The following IGF1R variants were observed in gnomAD, a reference collection of about 807,000 sequenced individuals.
IGF1R encodes the protein insulin-like growth factor 1 receptor.
A neutral mutation model predicts 144.6 loss-of-function variants in IGF1R; 44 were observed. That is an observed-to-expected ratio of 0.30 (90% confidence interval 0.24 to 0.39). The LOEUF is 0.39. Ranked by LOEUF, IGF1R falls within the 10% of genes least tolerant of loss-of-function variation. The pLI is 1.00. For missense variants in IGF1R, 1,355 were observed against 1,833.7 expected, an observed-to-expected ratio of 0.74 and a Z score of 4.77; for synonymous variants, 795 against 722.8, an observed-to-expected ratio of 1.10 and a Z score of -1.60.
chr15:98,948,458 G>A, intron 19 of IGF1R, 116 bp from the exon 20 acceptor site: 2 of 1,119,698 alleles, frequency 1.8e-6, no homozygotes, highest in Non-Finnish European at 1.4e-6. Context: ...GACAAGCACT[G>A]TCACCATAGT....
intron 20 of IGF1R, chr15:98,953,162 G>C (rs1022408644): frequency 6.6e-6 from 1 of 152,174 alleles, no homozygotes; most frequent in Non-Finnish European, 1.5e-5. Flanking sequence ...GGCACCATCT[G>C]GTGACACTAG....
At chr15:98,744,217 A>T (rs1035205093) in intron 2 of IGF1R, among the ~76,000 whole-genome samples, 5 of 152,006 alleles carry the variant, frequency 3.3e-5, no homozygotes, top group African/African-American at 4.8e-5. Flanking sequence ...CATGAGCTGT[A>T]AAGGGACCCA....
At chr15:98,858,600 G>A (rs2011964738) in intron 2 of IGF1R, among the ~76,000 whole-genome samples, 1 of 152,050 alleles carries the variant, frequency 6.6e-6, no homozygotes, top group South Asian at 2.1e-4. Flanking sequence ...CCATTTAATC[G>A]AGATATAAAG....
chr15:98,878,325 G>A (rs1191554187), intron 2 of IGF1R, among the ~76,000 whole-genome samples: 1 of 152,226 alleles, frequency 6.6e-6, no homozygotes, highest in Non-Finnish European at 1.5e-5. Context: ...TACAGTAACA[G>A]AGAATGGAAA....
chr15:98,869,655 G>A (rs181100981), intron 2 of IGF1R, among the ~76,000 whole-genome samples: 2 of 152,068 alleles, frequency 1.3e-5, no homozygotes, highest in African/African-American at 2.4e-5. Context: ...GGGTGGTCTC[G>A]AACTCCCATC....
In IGF1R at chr15:98,939,206, T is replaced by G. The variant is rs770510103; in HGVS notation, c.3303T>G (p.Asn1101Lys). ...LRSLRPEMEN[N>K]PVLAPPSLSK... is the part of the protein sequence containing the mutation. Reference sequence around the variant, plus strand: ...TTTTTTTAAATCTCCAACAGAATAATCCAGTCCTAGCACCTCCAAGCCTGA... The same window carrying G: ...TTTTTTTAAATCTCCAACAGAATAAGCCAGTCCTAGCACCTCCAAGCCTGA... Residue 1101 changes from asparagine (N) to lysine (K), a missense_variant, in exon 18 of 21, where the codon AAT (asparagine) becomes AAG (lysine). This residue lies in a region of IGF1R where 45 missense variants were observed against 43.5 expected (regional missense o/e 1.03). Coordinates refer to ENST00000650285, the MANE Select transcript of IGF1R (RefSeq NM_000875.5). 1.4e-5 allele frequency: 23 copies of G among 1,613,494 alleles called. No homozygotes were observed. The highest frequency in any genetic ancestry group is 2.2e-5 in the South Asian group (2 of 91,066).
At chr15:98,853,324 G>C (rs2011619354) in intron 2 of IGF1R, among the ~76,000 whole-genome samples, 1 of 152,150 alleles carries the variant, frequency 6.6e-6, no homozygotes, top group African/African-American at 2.4e-5. Flanking sequence ...AGTGTGATAG[G>C]GGCGTAGTGG....
At chr15:98,895,243 C>G (rs528961943) in intron 3 of IGF1R, among the ~76,000 whole-genome samples, 370 of 62,740 alleles carry the variant, frequency 5.9e-3, no homozygotes, top group Non-Finnish European at 0.014. Flanking sequence ...CACACACACA[C>G]ACACACACAC....
Position 98,699,902 on chromosome 15 carries a change from C to T in IGF1R, c.95-7660C>T, listed in dbSNP as rs201945411. Among the ~76,000 whole-genome samples, 4 of 152,196 alleles carry T rather than the reference C, an allele frequency of 2.6e-5. No individual in the cohort carries two copies. The East Asian group carries it at 7.7e-4, about 29-fold the overall frequency. On this transcript the variant is annotated intron_variant, in intron 1 of 20. Transcript: ENST00000650285. ...TTTCCTCTGTAATGGAAATCTCTTA[C>T]ATTCTTATCATTGCCTTCAGTTATT...
Position 98,961,101 on chromosome 15 carries a change from G to C in IGF1R, c.*3659G>C. 1 of 233,556 alleles carries C rather than the reference G, an allele frequency of 4.3e-6. No homozygotes were observed. Among genetic ancestry groups the C allele is most frequent in the East Asian group, 6.0e-5 (1 of 16,562 alleles). 14.5% of individuals were successfully genotyped at this position (233,556 alleles called of 1,614,324 possible). A position where few individuals can be genotyped will look rare whatever the true frequency, so the allele number is the denominator to read the frequency against. ...TGAAGGCGCTCAGGAGCCTCCTGCT[G>C]GAACGCGACCCATCTCTCCCAGGAC... On this transcript the variant is annotated 3_prime_UTR_variant, in exon 21 of 21. Coordinates refer to ENST00000650285, the MANE Select transcript of IGF1R (RefSeq NM_000875.5).
At chr15:98,740,445 A>G (rs1423371061) in intron 2 of IGF1R, among the ~76,000 whole-genome samples, 1 of 152,254 alleles carries the variant, frequency 6.6e-6, no homozygotes, top group Non-Finnish European at 1.5e-5. Flanking sequence ...ACCCAAACAG[A>G]GTCTTGAAGC....
intron 1 of IGF1R, among the ~76,000 whole-genome samples, chr15:98,652,465 T>G (rs900675710): frequency 2.0e-5 from 3 of 152,210 alleles, no homozygotes; most frequent in Non-Finnish European, 4.4e-5. Context: ...AAATTATAGT[T>G]TAGATCCTCT....
intron 2 of IGF1R, among the ~76,000 whole-genome samples, chr15:98,747,102 C>T (rs2054886994): frequency 2.0e-5 from 3 of 152,204 alleles, no homozygotes; most frequent in African/African-American, 7.2e-5. Context: ...AATGTAAAAT[C>T]AAGCCGGCAA....
intron 2 of IGF1R, among the ~76,000 whole-genome samples, chr15:98,787,164 A>T (rs2056018065): frequency 1.3e-5 from 2 of 152,160 alleles, no homozygotes. Flanking sequence ...GGAAGGATTC[A>T]TGGCATAAAA....
intron 18 of IGF1R, 32 bp from the exon 19 acceptor site, chr15:98,942,891 C>T (rs781779803): frequency 2.5e-6 from 4 of 1,613,626 alleles, no homozygotes; most frequent in African/African-American, 2.7e-5. Context: ...CCTGCTCCAG[C>T]GTGTGACTCT....
At chr15:98,698,998 T>C (rs912512400) in intron 1 of IGF1R, among the ~76,000 whole-genome samples, 3 of 152,242 alleles carry the variant, frequency 2.0e-5, no homozygotes, top group Admixed American at 1.3e-4. Context: ...TAATGTGTTC[T>C]ACAAAATGAA....
rs1364307745 is a variant in IGF1R, at chr15:98,963,167, A to G, written c.*5725A>G. ...TTTATAATTGCCGAAAATAATTTAA[A>G]GACACTTTTTTTTTCTCTGTGTGTG... On this transcript the variant is annotated 3_prime_UTR_variant, in exon 21 of 21. Coordinates refer to ENST00000650285, the MANE Select transcript of IGF1R (RefSeq NM_000875.5). 1 of 232,162 alleles carries G rather than the reference A, an allele frequency of 4.3e-6. No homozygotes were observed. The highest frequency in any genetic ancestry group is 5.7e-5 in the Admixed American group (1 of 17,680). The allele number at this position is 232,162 out of a possible 1,614,324, so 14.4% of individuals were successfully genotyped here.
Position 98,957,045 on chromosome 15 carries a change from T to C in IGF1R, c.3723-16T>C. The C allele has an allele frequency of 6.2e-7, 1 of 1,614,022 alleles. No individual in the cohort carries two copies. The highest frequency in any genetic ancestry group is 8.5e-7 in the Non-Finnish European group (1 of 1,180,024). On this transcript the variant is annotated splice_polypyrimidine_tract_variant and intron_variant, in intron 20 of 20. Transcript: ENST00000650285. ...CCCTCCCGGTTTGGACCCCCTCCCG[T>C]GTGTCTTGGCTGCAGGTTTGAACTG...
intron 20 of IGF1R, among the ~76,000 whole-genome samples, 173 bp from the exon 21 acceptor site, chr15:98,956,888 A>G (rs1289420626): frequency 6.6e-6 from 1 of 152,184 alleles, no homozygotes; most frequent in Non-Finnish European, 1.5e-5. Flanking sequence ...GGAGACTCTG[A>G]AGGCCACTTG....
Sources: allele counts gnomAD v4.1 joint callset (sites outside exome capture counted in the v4.1 genomes callset), GRCh38; gene constraint gnomAD v4.1.1; regional missense constraint gnomAD v4.1.1; transcripts MANE v1.5; gene names NCBI Gene and HGNC (gene_info 2026-07-23, HGNC 2026-07-21).